Variants in ATRIP observed in about 807,000 individuals in gnomAD.
ATRIP encodes ATR-interacting protein.
ATRIP carries 44 observed loss-of-function variants against 78.1 expected under a neutral mutation model. That is an observed-to-expected ratio of 0.56 (90% CI 0.44 to 0.72). ATRIP has a LOEUF of 0.72. Among genes scored for constraint, ATRIP ranks in the 30% least tolerant of loss-of-function variants. ATRIP has a pLI of 0.00. For synonymous variants in ATRIP, 388 were observed against 408.9 expected, an observed-to-expected ratio of 0.95 and a Z score of 0.62; for missense variants, 927 against 980.2, an observed-to-expected ratio of 0.95 and a Z score of 0.72.
rs749008909 is a variant in ATRIP, at chr3:48,460,434, A to G, written c.1380A>G (p.Val460=). The change falls in exon 8 of 13, where the codon GTA becomes GTG. Residue 460 remains valine (V), a synonymous_variant. Transcript: ENST00000320211. ...PTHSSCVSSG[V]ETNPEDSVCI... is the part of the protein sequence containing the mutation. ...ATTCCTCCTGCGTGAGCTCTGGGGT[A>G]GAGACCAACCCTGAGGACTCAGTGT... The G allele has an allele frequency of 6.2e-7, 1 of 1,612,448 alleles. No homozygotes were observed. The highest frequency in any genetic ancestry group is 8.5e-7 in the Non-Finnish European group (1 of 1,179,124).
In ATRIP at chr3:48,465,068, G is replaced by T; in HGVS notation, c.2293G>T (p.Val765Leu). Residue 765 changes from valine (V) to leucine (L), a missense_variant, in exon 12 of 13, where the codon GTG (valine) becomes TTG (leucine). Coordinates refer to ENST00000320211, the MANE Select transcript of ATRIP (RefSeq NM_130384.3). The stretch of plus-strand genomic sequence containing the variant: ...CATGCTCATCCGAGGGCTTCCTGAT[G>T]TGACGGACTGTGAAGGTAAGCCTGC... ...VSMLIRGLPDVTDCEEAALDD... is the reference protein window; with the variant it reads ...VSMLIRGLPDLTDCEEAALDD... The T allele has an allele frequency of 1.2e-6, 2 of 1,609,508 alleles. No homozygotes were observed. The highest frequency in any genetic ancestry group is 1.7e-6 in the Non-Finnish European group (2 of 1,176,516).
intron 1 of ATRIP, chr3:48,447,584 G>T: frequency 1.0e-6 from 1 of 962,378 alleles, no homozygotes; most frequent in Non-Finnish European, 1.2e-6. Context: ...GTGCCCAAAC[G>T]TGAGGAACTG....
chr3:48,454,275 C>A, intron 3 of ATRIP, 25 bp from the exon 4 acceptor site: 1 of 1,433,066 alleles, frequency 7.0e-7, no homozygotes, highest in Non-Finnish European at 9.8e-7. Flanking sequence ...GGGACCACTA[C>A]AAGCATGTTT....
chr3:48,457,532 G>C (rs1245103342), intron 5 of ATRIP, 116 bp downstream of exon 5: 5 of 834,890 alleles, frequency 6.0e-6, no homozygotes, highest in Non-Finnish European at 8.5e-6. Context: ...AAGGCACAGA[G>C]GGGACAATCT....
rs199752084 is a variant in ATRIP, at chr3:48,466,495, G to A, written c.*941G>A. ...TCTCCAACTTCCTGCCTGAAAATGG[G>A]CCCTGGAGCTCGCAGACAGGGCAGG... On this transcript the variant is annotated 3_prime_UTR_variant, in exon 13 of 13. Transcript: ENST00000320211. 121 of 1,613,838 alleles carry A rather than the reference G, an allele frequency of 7.5e-5. No individual in the cohort carries two copies. Among genetic ancestry groups the A allele is most frequent in the Non-Finnish European group, 5.8e-5 (69 of 1,180,006 alleles).
In ATRIP at chr3:48,466,949, A is replaced by ATGTT. The variant is rs763966000; in HGVS notation, c.*1397_*1400dup. ...CTGTGCTGGCAGCGCATGGGCGTCAATGTTTTGATGACAACCTGGCCAACC... is the reference window on the plus strand; with the variant it reads ...CTGTGCTGGCAGCGCATGGGCGTCAATGTTTGTTTTGATGACAACCTGGCCAACC... On this transcript the variant is annotated 3_prime_UTR_variant, in exon 13 of 13. Transcript: ENST00000320211. The ATGTT allele has an allele frequency of 1.9e-6, 3 of 1,611,888 alleles. No homozygotes were observed. The East Asian group carries it at 6.7e-5, about 36-fold the overall frequency.
chr3:48,460,079 TTAA>T, intron 7 of ATRIP, 28 bp from the exon 8 acceptor site: 1 of 1,586,032 alleles, frequency 6.3e-7, no homozygotes, highest in Non-Finnish European at 8.6e-7. Context: ...CATCCCACAC[TTAA>T]TCTATTTTTC....
intron 8 of ATRIP, 68 bp downstream of exon 8, chr3:48,460,867 GCA>G: frequency 7.1e-7 from 1 of 1,417,788 alleles, no homozygotes; most frequent in Non-Finnish European, 9.6e-7. Context: ...CTAACCCATG[GCA>G]CTTGTACTTT....
At position 48,460,241 on chromosome 3, in the gene ATRIP, G is replaced by C; in HGVS notation, c.1187G>C (p.Arg396Pro). 2 of 1,614,162 alleles carry C rather than the reference G, an allele frequency of 1.2e-6. No homozygotes were observed. Among genetic ancestry groups the C allele is most frequent in the South Asian group, 1.1e-5 (1 of 91,090 alleles). ...LNLVARNECS[R>P]DGDPAEGGRR... ...CTGGTTGCCCGGAATGAGTGCTCAC[G>C]TGATGGAGACCCAGCAGAGGGAGGC... Residue 396 changes from arginine to proline, a missense_variant, in exon 8 of 13, where the codon CGT (arginine) becomes CCT (proline). Physicochemically the swap from Arg to Pro is moderately radical, Grantham distance 103. Transcript: ENST00000320211.
intron 4 of ATRIP, among the ~76,000 whole-genome samples, chr3:48,454,865 T>G (rs1228772076): frequency 9.1e-6 from 1 of 109,322 alleles, no homozygotes; most frequent in Non-Finnish European, 2.1e-5. Flanking sequence ...ACTTGTTTTT[T>G]TTTTCTTTTT....
chr3:48,460,208 G>C lies in ATRIP; in HGVS notation c.1154G>C (p.Gly385Ala). The change falls in exon 8 of 13, where the codon GGA (glycine) becomes GCA (alanine). Residue 385 changes from glycine (G) to alanine (A), a missense_variant. By Grantham distance (60) the Gly-to-Ala change is moderately conservative. Transcript: ENST00000320211. ...LREAQNLAFT[G>A]LNLVARNECS... ...GAAGCACAGAACCTGGCATTCACTGGACTGAATCTGGTTGCCCGGAATGAG... is the reference window on the plus strand; with the variant it reads ...GAAGCACAGAACCTGGCATTCACTGCACTGAATCTGGTTGCCCGGAATGAG... 6.2e-7 allele frequency: 1 copy of C among 1,614,014 alleles called. No homozygotes were observed. The highest frequency in any genetic ancestry group is 1.1e-5 in the South Asian group (1 of 91,082).
At chr3:48,454,463 T>TA in intron 4 of ATRIP, 45 bp downstream of exon 4, 1 of 1,454,932 alleles carries the variant, frequency 6.9e-7, no homozygotes, top group Non-Finnish European at 9.6e-7. Context: ...CATTATTTAG[T>TA]AAAAAATCTG....
intron 8 of ATRIP, among the ~76,000 whole-genome samples, chr3:48,462,076 T>G (rs1014352341): frequency 6.6e-6 from 1 of 151,868 alleles, no homozygotes; most frequent in Non-Finnish European, 1.5e-5. Context: ...GCCTGTAATC[T>G]CAGCACTTTG....
chr3:48,460,376 A>G lies in ATRIP; in HGVS notation c.1322A>G (p.Lys441Arg). Residue 441 changes from lysine (K) to arginine (R), a missense_variant, in exon 8 of 13, where the codon AAG becomes AGG. Transcript: ENST00000320211. ...CQALQDLAAAKRSGAPGDSPT... is the reference protein window; with the variant it reads ...CQALQDLAAARRSGAPGDSPT... ...GCCCTGCAGGACTTGGCAGCTGCTA[A>G]GAGAAGCGGAGCACCTGGGGACTCA... 6.2e-7 allele frequency: 1 copy of G among 1,613,580 alleles called. No homozygotes were observed. Among genetic ancestry groups the G allele is most frequent in the Non-Finnish European group, 8.5e-7 (1 of 1,179,718 alleles).
rs776253376 is a variant in ATRIP at position 48,446,863 on chromosome 3, G to A, written c.18G>A (p.Ala6=). Residue 6 remains alanine, a synonymous_variant, in exon 1 of 13, where the codon GCG becomes GCA. Transcript: ENST00000320211. ...CGGAAAGCATGGCGGGGACCTCCGC[G>A]CCAGGCAGCAAGAGGCGGAGCGAGC... The part of the protein sequence containing the change: MAGTS[A]PGSKRRSEPP... 10 of 1,401,722 alleles carry A rather than the reference G, an allele frequency of 7.1e-6. No individual in the cohort carries two copies. The East Asian group carries it at 2.8e-4, about 39-fold the overall frequency. The allele number at this position is 1,401,722 out of a possible 1,614,324, so 86.8% of individuals were successfully genotyped here.
chr3:48,462,994 T>C (rs1575286066), intron 8 of ATRIP, among the ~76,000 whole-genome samples: 1 of 152,336 alleles, frequency 6.6e-6, no homozygotes, highest in Non-Finnish European at 1.5e-5. Context: ...GAGGGATATC[T>C]TGACCTTCTG....
chr3:48,465,465 G>C, intron 12 of ATRIP, 22 bp from the exon 13 acceptor site: 3 of 1,612,238 alleles, frequency 1.9e-6, no homozygotes, highest in Non-Finnish European at 2.5e-6. Flanking sequence ...CCCTCACCAG[G>C]AACCTCTCCT....
At position 48,459,847 on chromosome 3, in the gene ATRIP, T is replaced by TAG; in HGVS notation, c.986_987insAG (p.Cys330ValfsTer5). 6.2e-7 allele frequency: 1 copy of TAG among 1,613,972 alleles called. No individual in the cohort carries two copies. The highest frequency in any genetic ancestry group is 8.5e-7 in the Non-Finnish European group (1 of 1,179,936). ...TTGATCCCAGGGTCATCCCTAAGCC[T>TAG]TTGCCACCTCCTGAGTAGTAGTTCT... On this transcript the variant is annotated frameshift_variant, in exon 7 of 13. Transcript: ENST00000320211. LOFTEE classifies it high-confidence loss of function.
chr3:48,464,751 T>G lies in ATRIP; in HGVS notation c.2056-80T>G. On this transcript the variant is annotated intron_variant, in intron 11 of 12. Transcript: ENST00000320211. ...AGGCCCCACTGCAAACCCCCTCACGTGAGGTGGCTAGGCTGAGCGGATTGT... is the reference window on the plus strand; with the variant it reads ...AGGCCCCACTGCAAACCCCCTCACGGGAGGTGGCTAGGCTGAGCGGATTGT... 3.1e-6 allele frequency: 5 copies of G among 1,606,488 alleles called. No individual in the cohort carries two copies. The South Asian group carries it at 3.3e-5, about 11-fold the overall frequency.
Sources: allele counts gnomAD v4.1 joint callset (sites outside exome capture counted in the v4.1 genomes callset), GRCh38; gene constraint gnomAD v4.1.1; transcripts MANE v1.5; gene names NCBI Gene and HGNC (gene_info 2026-07-23, HGNC 2026-07-21).